Variants in AGO1 observed in about 807,000 individuals in gnomAD.
AGO1 encodes the protein argonaute RISC component 1, also known as protein argonaute-1.
AGO1 carries 11 observed loss-of-function variants against 109.2 expected under a neutral mutation model. That is an observed-to-expected ratio of 0.10 (90% CI 0.06 to 0.17). AGO1 has a LOEUF of 0.17. Ranked by LOEUF, AGO1 falls within the 10% of genes least tolerant of loss-of-function variation. The probability of loss-of-function intolerance (pLI) is 1.00; values close to 1 mark genes in which losing one functional copy is unlikely to be tolerated. For synonymous variants in AGO1, 422 were observed against 418.6 expected (o/e 1.01, Z -0.10); for missense variants, 574 against 1,140.3 (o/e 0.50, Z 7.15).
intron 10 of AGO1, 25 bp downstream of exon 10, chr1:35,902,095 C>T (rs1329741561): frequency 6.3e-7 from 1 of 1,588,394 alleles, no homozygotes; most frequent in Non-Finnish European, 8.6e-7. Context: ...GGCCAGACAA[C>T]ATCTCGGGGC....
chr1:35,910,739 A>G (rs956541040), intron 12 of AGO1, among the ~76,000 whole-genome samples: 7 of 152,118 alleles, frequency 4.6e-5, no homozygotes, highest in Non-Finnish European at 2.9e-5. Context: ...TAATACACAT[A>G]TTTGGATTGT....
Position 35,893,933 on chromosome 1 carries a change from C to T in AGO1, c.650-104C>T, listed in dbSNP as rs1645269245. ...ATTCCTACAGCCCTGGCACCCCCTT[C>T]CCCCATCCCAATGCCCTTTAAGGAA... On this transcript the variant is annotated intron_variant, in intron 5 of 18. Transcript: ENST00000373204. This position sits in a 1 kb window ranked among gnomAD's most constrained non-coding sequence, Gnocchi z 5.6. The T allele has an allele frequency of 2.6e-6, 4 of 1,523,934 alleles. No homozygotes were observed. The highest frequency in any genetic ancestry group is 4.6e-5 in the East Asian group (2 of 43,954). The allele number at this position is 1,523,934 out of a possible 1,614,324, so 94.4% of individuals were successfully genotyped here.
At position 35,927,790 on chromosome 1, in the gene AGO1, T is replaced by C. The variant is rs1230227545; in HGVS notation, c.*8183T>C. On this transcript the variant is annotated 3_prime_UTR_variant, in exon 19 of 19. Coordinates refer to ENST00000373204, the MANE Select transcript of AGO1 (RefSeq NM_012199.5). ...TACAGATGAGAAACATGAATCAGAG[T>C]GACTTTCCCAGGCTCACAGCAAGTA... 1 of 152,214 alleles carries C rather than the reference T, an allele frequency of 6.6e-6. No homozygotes were observed. Among genetic ancestry groups the C allele is most frequent in the African/African-American group, 2.4e-5 (1 of 41,440 alleles). The allele number at this position is 152,214 out of a possible 1,614,324, so 9.4% of individuals were successfully genotyped here. A position where few individuals can be genotyped will look rare whatever the true frequency, so the allele number is the denominator to read the frequency against.
chr1:35,894,859 G>A (rs1248409032), intron 7 of AGO1, among the ~76,000 whole-genome samples: 1 of 152,192 alleles, frequency 6.6e-6, no homozygotes, highest in African/African-American at 2.4e-5. Flanking sequence ...GAGTCAGATA[G>A]TGTCCTGACT....
At position 35,901,417 on chromosome 1, in the gene AGO1, T is replaced by G; in HGVS notation, c.1021-57T>G. On this transcript the variant is annotated intron_variant, in intron 8 of 18. Transcript: ENST00000373204. The surrounding 1 kb of genome is among the most constrained non-coding windows in gnomAD (Gnocchi z 4.8). ...GGTATCTTTCCTTATTGTGGGGCTC[T>G]GGGTACAGGGTGGACTGTACTCAAG... 1 of 1,604,482 alleles carries G rather than the reference T, an allele frequency of 6.2e-7. No homozygotes were observed. Among genetic ancestry groups the G allele is most frequent in the Non-Finnish European group, 8.5e-7 (1 of 1,174,506 alleles).
chr1:35,905,556 C>T (rs1320122083), intron 11 of AGO1, among the ~76,000 whole-genome samples: 1 of 152,068 alleles, frequency 6.6e-6, no homozygotes, highest in East Asian at 1.9e-4. Flanking sequence ...CAGCCTCTGC[C>T]TCCTGTTTCA....
intron 12 of AGO1, 28 bp from the exon 13 acceptor site, chr1:35,913,814 C>T: frequency 6.2e-7 from 1 of 1,608,720 alleles, no homozygotes; most frequent in South Asian, 1.1e-5. Flanking sequence ...TTGTTGAATG[C>T]ACTAATCATT....
chr1:35,903,821 G>T (rs1645466450), intron 11 of AGO1, among the ~76,000 whole-genome samples: 1 of 151,696 alleles, frequency 6.6e-6, no homozygotes, highest in African/African-American at 2.4e-5. Context: ...AAATTAGCCG[G>T]GCGTGGTGGC....
chr1:35,906,859 C>G (rs1175439124), intron 11 of AGO1, 76 bp from the exon 12 acceptor site: 1 of 1,351,844 alleles, frequency 7.4e-7, no homozygotes, highest in Non-Finnish European at 1.0e-6. Context: ...GTGCTAAGCA[C>G]CTAAGATGGA....
In AGO1 at chr1:35,905,445, G is replaced by A. The variant is rs138186352; in HGVS notation, c.1398-1490G>A. Reference sequence around the variant, plus strand: ...TGTAAATATTACAGATAAATTTGATGCTCCTTCATGTCCTCCACCCTAGTC... The same window carrying A: ...TGTAAATATTACAGATAAATTTGATACTCCTTCATGTCCTCCACCCTAGTC... On this transcript the variant is annotated intron_variant, in intron 11 of 18. Coordinates refer to ENST00000373204, the MANE Select transcript of AGO1 (RefSeq NM_012199.5). Among the ~76,000 whole-genome samples the A allele has an allele frequency of 2.4e-3, 362 of 151,990 alleles. 1 individual carries two copies. Among genetic ancestry groups the A allele is most frequent in the African/African-American group, 8.3e-3 (344 of 41,450 alleles).
At chr1:35,873,545 AT>A (rs1305262331) in intron 1 of AGO1, 1 of 154,660 alleles carries the variant, frequency 6.5e-6, no homozygotes, top group East Asian at 1.8e-4. Context: ...ATAAAGGCAA[AT>A]TTCCTCTTTC....
At chr1:35,881,863 C>G (rs180796525), upstream of AGO1, among the ~76,000 whole-genome samples, 1 of 152,156 alleles carries the variant, frequency 6.6e-6, no homozygotes, top group Non-Finnish European at 1.5e-5. Context: ...TATCACTGCA[C>G]CAGACCGAAT....
At chr1:35,880,801 A>T (rs1645028827), upstream of AGO1, among the ~76,000 whole-genome samples, 1 of 152,148 alleles carries the variant, frequency 6.6e-6, no homozygotes, top group Admixed American at 6.6e-5. Context: ...CTGGGACTAC[A>T]GGCGTGTGCC....
intron 12 of AGO1, among the ~76,000 whole-genome samples, chr1:35,908,816 CTTTTTTTTTTTT>C (rs397861392): frequency 7.6e-6 from 1 of 131,346 alleles, no homozygotes; most frequent in Non-Finnish European, 1.6e-5. Context: ...TCTAACCTTC[CTTTTTTTTTTTT>C]TTTTTTTTGA....
chr1:35,908,611 C>G (rs943307567), intron 12 of AGO1, among the ~76,000 whole-genome samples: 1 of 152,124 alleles, frequency 6.6e-6, no homozygotes, highest in East Asian at 1.9e-4. Flanking sequence ...TTTTGTTGGA[C>G]CATCTCTTCA....
At position 35,893,051 on chromosome 1, in the gene AGO1, G is replaced by A. The variant is rs376734554; in HGVS notation, c.331-46G>A. The stretch of plus-strand genomic sequence containing the variant: ...ATCCATGGAGTTGGGGGTCATTCTC[G>A]CAGAGCAATGGCAATCCTTCATCCC... On this transcript the variant is annotated intron_variant, in intron 3 of 18. Coordinates refer to ENST00000373204, the MANE Select transcript of AGO1 (RefSeq NM_012199.5). This position sits in a 1 kb window ranked among gnomAD's most constrained non-coding sequence, Gnocchi z 5.6. 3.8e-6 allele frequency: 6 copies of A among 1,563,586 alleles called. No homozygotes were observed. Among genetic ancestry groups the A allele is most frequent in the Admixed American group, 1.8e-5 (1 of 56,486 alleles).
At chr1:35,897,563 C>T (rs999330112) in intron 8 of AGO1, among the ~76,000 whole-genome samples, 1 of 151,974 alleles carries the variant, frequency 6.6e-6, no homozygotes, top group African/African-American at 2.4e-5. Context: ...TGGCTCATAC[C>T]TGTAATCCCA....
At chr1:35,889,198 T>G (rs11263831) in intron 2 of AGO1, among the ~76,000 whole-genome samples, 1 of 151,364 alleles carries the variant, frequency 6.6e-6, no homozygotes, top group African/African-American at 2.4e-5. Flanking sequence ...TTTTTTTTTT[T>G]TTTTTGAGAG....
chr1:35,874,207 G>A (rs556820468), intron 1 of AGO1, among the ~76,000 whole-genome samples: 3 of 152,234 alleles, frequency 2.0e-5, no homozygotes, highest in East Asian at 1.9e-4. Flanking sequence ...TTCTGTCACC[G>A]GGGTTGCTGA....
Sources: allele counts gnomAD v4.1 joint callset (sites outside exome capture counted in the v4.1 genomes callset), GRCh38; gene constraint gnomAD v4.1.1; non-coding constraint Gnocchi (gnomAD v3.1); transcripts MANE v1.5; gene names NCBI Gene and HGNC (gene_info 2026-07-23, HGNC 2026-07-21).